Variants in EFR3B observed in about 807,000 individuals in gnomAD.
EFR3B encodes EFR3 homolog B.
A neutral mutation model predicts 104.7 loss-of-function variants in EFR3B; 64 were observed. The ratio of observed to expected loss-of-function variants is 0.61; its 90% CI spans 0.50 to 0.75. EFR3B has a LOEUF of 0.75. EFR3B is among the 30% of genes least tolerant of loss of function. The pLI is 0.00. For synonymous variants in EFR3B, 385 were observed against 417.9 expected (o/e 0.92, Z 0.96); for missense variants, 750 against 1,078.5 (o/e 0.70, Z 4.27).
Position 25,080,775 on chromosome 2 carries a change from G to A in EFR3B, c.8-10550G>A, listed in dbSNP as rs573705449. ...TCTTTTGGCGTTAGGCTGAATTAGA[G>A]TCAAAATTGATCTTTGCATCCATCA... On this transcript the variant is annotated intron_variant, in intron 1 of 22. Transcript: ENST00000403714. The A allele has an allele frequency of 2.5e-4, 321 of 1,283,512 alleles. 3 individuals carry two copies. The South Asian group carries it at 3.8e-3, about 15-fold the overall frequency. 79.5% of individuals were successfully genotyped at this position (1,283,512 alleles called of 1,614,324 possible).
intron 1 of EFR3B, among the ~76,000 whole-genome samples, chr2:25,064,003 T>C (rs183941532): frequency 6.6e-6 from 1 of 152,332 alleles, no homozygotes; most frequent in African/African-American, 2.4e-5. Flanking sequence ...GGGTCTTGGC[T>C]CTGATTGGCC....
At chr2:25,104,218 G>A (rs2149191805) in intron 4 of EFR3B, among the ~76,000 whole-genome samples, 1 of 151,942 alleles carries the variant, frequency 6.6e-6, no homozygotes, top group South Asian at 2.1e-4. Flanking sequence ...ACAAAAATTA[G>A]CCGGATGTCA....
intron 1 of EFR3B, among the ~76,000 whole-genome samples, chr2:25,085,536 C>T (rs773110738): frequency 6.6e-6 from 1 of 152,154 alleles, no homozygotes; most frequent in Non-Finnish European, 1.5e-5. Flanking sequence ...ACAATCTCAG[C>T]TCACTGCATC....
chr2:25,154,273 A>G lies in EFR3B; in HGVS notation c.2387A>G (p.Tyr796Cys), dbSNP rs1481665977. 11 of 1,551,764 alleles carry G rather than the reference A, an allele frequency of 7.1e-6. No homozygotes were observed. The highest frequency in any genetic ancestry group is 2.7e-5 in the African/African-American group (2 of 73,028). ...CCATCAGGAACCATCACTGCAGCCT[A>G]CGGTCAGCCGCAGAACCACTCCATC... ...PSPSGTITAA[Y>C]GQPQNHSIPV... The change falls in exon 23 of 23, where the codon TAC becomes TGC. Residue 796 changes from tyrosine (Y) to cysteine (C), a missense_variant. Transcript: ENST00000403714. The surrounding 1 kb of genome is among the most constrained non-coding windows in gnomAD (Gnocchi z 4.1).
At chr2:25,049,555 G>A (rs2149163242) in intron 1 of EFR3B, among the ~76,000 whole-genome samples, 1 of 152,302 alleles carries the variant, frequency 6.6e-6, no homozygotes, top group Middle Eastern at 3.4e-3. Context: ...TGTTTTGCAC[G>A]GTGGAATGGA....
chr2:25,103,731 G>A lies in EFR3B; in HGVS notation c.307G>A (p.Val103Met), dbSNP rs1669485234. The change falls in exon 4 of 23, where the codon GTG (valine) becomes ATG (methionine). Residue 103 changes from valine (V) to methionine (M), a missense_variant. By Grantham distance (21) the Val-to-Met change is conservative (BLOSUM62 1). Coordinates refer to ENST00000403714, the MANE Select transcript of EFR3B (RefSeq NM_014971.2). ...CTTCGTGGAGAGCTTCCTCAAGATG[G>A]TGGCCAAGCTGCTGGAGTCAGAGAA... ...NLFVESFLKM[V>M]AKLLESEKPN... 1.9e-6 allele frequency: 3 copies of A among 1,551,746 alleles called. No homozygotes were observed. The highest frequency in any genetic ancestry group is 2.6e-6 in the Non-Finnish European group (3 of 1,146,978).
intron 1 of EFR3B, among the ~76,000 whole-genome samples, chr2:25,072,020 C>T (rs1256404449): frequency 3.3e-5 from 5 of 152,256 alleles, no homozygotes; most frequent in Non-Finnish European, 5.9e-5. Flanking sequence ...AAATCTCGCA[C>T]ATCACCCTGG....
chr2:25,144,910 TG>T, intron 18 of EFR3B, 49 bp from the exon 19 acceptor site: 1 of 1,523,672 alleles, frequency 6.6e-7, no homozygotes, highest in Non-Finnish European at 8.9e-7. Flanking sequence ...AGCTCAGTCC[TG>T]GATCTCTGAG....
chr2:25,100,422 A>T (rs1669399234), intron 3 of EFR3B, among the ~76,000 whole-genome samples: 1 of 152,022 alleles, frequency 6.6e-6, no homozygotes, highest in African/African-American at 2.4e-5. Context: ...CTTTATTTTG[A>T]CTTAGGGAAC....
chr2:25,080,000 G>T, intron 1 of EFR3B: 1 of 993,054 alleles, frequency 1.0e-6, no homozygotes, highest in South Asian at 1.3e-5. Flanking sequence ...CCTCCAAGTC[G>T]TCACAAGCAA....
In EFR3B at chr2:25,066,283, G is replaced by T. The variant is rs529392409; in HGVS notation, c.7+23964G>T. Among the ~76,000 whole-genome samples, 7 of 152,302 alleles carry T rather than the reference G, an allele frequency of 4.6e-5. No homozygotes were observed. The East Asian group carries it at 1.4e-3, about 29-fold the overall frequency. ...TGCTCCATCCATTTATCCACTGGAA[G>T]TAGATTCCTTACGCATTCTAAGAGC... On this transcript the variant is annotated intron_variant, in intron 1 of 22. Transcript: ENST00000403714.
chr2:25,072,017 G>A (rs369661953), intron 1 of EFR3B, among the ~76,000 whole-genome samples: 2 of 152,328 alleles, frequency 1.3e-5, no homozygotes, highest in East Asian at 1.9e-4. Flanking sequence ...CTCAAATCTC[G>A]CACATCACCC....
chr2:25,135,253 A>G (rs1295989169), intron 12 of EFR3B, among the ~76,000 whole-genome samples: 2 of 151,948 alleles, frequency 1.3e-5, no homozygotes, highest in African/African-American at 4.8e-5. Flanking sequence ...CGCTGTCCCC[A>G]TCCATTCACA....
chr2:25,140,492 T>C (rs768815940), intron 16 of EFR3B, among the ~76,000 whole-genome samples: 3 of 152,024 alleles, frequency 2.0e-5, no homozygotes, highest in Non-Finnish European at 4.4e-5. Context: ...AGAAAGGCAA[T>C]GCCCAGACAT....
In EFR3B at chr2:25,130,684, G is replaced by T; in HGVS notation, c.849+54G>T. The T allele has an allele frequency of 6.8e-7, 1 of 1,474,230 alleles. No individual in the cohort carries two copies. The highest frequency in any genetic ancestry group is 1.4e-5 in the African/African-American group (1 of 71,484). The allele number at this position is 1,474,230 out of a possible 1,614,324, so 91.3% of individuals were successfully genotyped here. A position where few individuals can be genotyped will look rare whatever the true frequency, so the allele number is the denominator to read the frequency against. The stretch of plus-strand genomic sequence containing the variant: ...TCCCAGGACAAAGGCCTCTCTAGAA[G>T]CTAGACGGGTGCTAAAATAGAAAGC... On this transcript the variant is annotated intron_variant, in intron 8 of 22. Coordinates refer to ENST00000403714, the MANE Select transcript of EFR3B (RefSeq NM_014971.2). This position sits in a 1 kb window ranked among gnomAD's most constrained non-coding sequence, Gnocchi z 4.6.
chr2:25,064,391 T>C (rs1467388069), intron 1 of EFR3B, among the ~76,000 whole-genome samples: 2 of 152,258 alleles, frequency 1.3e-5, no homozygotes, highest in East Asian at 3.8e-4. Flanking sequence ...CCTCTGTTAC[T>C]ATATTTGATA....
intron 5 of EFR3B, among the ~76,000 whole-genome samples, chr2:25,125,122 T>G (rs1670128980): frequency 6.6e-6 from 1 of 152,204 alleles, no homozygotes; most frequent in African/African-American, 2.4e-5. Flanking sequence ...GCCTGATCTT[T>G]CTGAACTTCT....
At chr2:25,068,928 A>G (rs1173316036) in intron 1 of EFR3B, among the ~76,000 whole-genome samples, 1 of 79,440 alleles carries the variant, frequency 1.3e-5, no homozygotes, top group South Asian at 3.6e-4. Context: ...CGCGCCCGGC[A>G]TCTTTTTTTT....
intron 1 of EFR3B, among the ~76,000 whole-genome samples, chr2:25,071,674 C>T (rs775241424): frequency 9.9e-5 from 15 of 152,134 alleles, no homozygotes; most frequent in Non-Finnish European, 1.5e-4. Flanking sequence ...AATGGTCTAG[C>T]CTAGGAATTT....
Sources: allele counts gnomAD v4.1 joint callset (sites outside exome capture counted in the v4.1 genomes callset), GRCh38; gene constraint gnomAD v4.1.1; non-coding constraint Gnocchi (gnomAD v3.1); transcripts MANE v1.5; gene names NCBI Gene and HGNC (gene_info 2026-07-23, HGNC 2026-07-21).